Variants in DSG4 observed in about 807,000 individuals in gnomAD.
DSG4 encodes the protein desmoglein 4.
A neutral mutation model predicts 93.1 loss-of-function variants in DSG4; 87 were observed. The ratio of observed to expected loss-of-function variants is 0.93; its 90% confidence interval spans 0.79 to 1.12. The LOEUF (loss-of-function observed/expected upper bound fraction) is 1.12, where lower values mean the gene tolerates loss of function less well. Among genes scored for constraint, DSG4 ranks in the 50% most tolerant of loss-of-function variants. DSG4 has a pLI of 0.00. For missense variants in DSG4, 1,373 were observed against 1,285.7 expected (o/e 1.07, Z -1.04); for synonymous variants, 432 against 452.9 (o/e 0.95, Z 0.59).
chr18:31,405,600 A>C (rs2072415550), intron 11 of DSG4, among the ~76,000 whole-genome samples: 2 of 152,036 alleles, frequency 1.3e-5, no homozygotes, highest in South Asian at 2.1e-4. Context: ...AAAAGTAAAA[A>C]AGGCCAGGCA....
At chr18:31,410,475 G>T (rs909784431) in intron 14 of DSG4, among the ~76,000 whole-genome samples, 5 of 147,394 alleles carry the variant, frequency 3.4e-5, no homozygotes, top group Non-Finnish European at 5.9e-5. Context: ...ATACGTTAGA[G>T]TAGTGCCTGG....
rs776703259 is a variant in DSG4, at chr18:31,391,177, G to A, written c.784G>A (p.Val262Ile). ...ECDCRIKVLD[V>I]NDNFPTLEKT... is the part of the protein sequence containing the mutation. ...TGACTGTAGAATCAAGGTTTTAGAC[G>A]TCAACGATAATTTCCCCACCTTAGA... The change falls in exon 7 of 16, where the codon GTC becomes ATC. Residue 262 changes from valine to isoleucine, a missense_variant. Transcript: ENST00000308128. The A allele has an allele frequency of 2.4e-5, 39 of 1,613,500 alleles. No individual in the cohort carries two copies. The highest frequency in any genetic ancestry group is 9.9e-5 in the South Asian group (9 of 91,066).
intron 8 of DSG4, among the ~76,000 whole-genome samples, chr18:31,398,173 C>T (rs2072326056): frequency 6.6e-6 from 1 of 151,676 alleles, no homozygotes; most frequent in South Asian, 2.1e-4. Flanking sequence ...AATTTATATT[C>T]AGTTCTGTGC....
chr18:31,379,081 G>T (rs1244277548), intron 1 of DSG4, among the ~76,000 whole-genome samples: 2 of 152,102 alleles, frequency 1.3e-5, no homozygotes, highest in African/African-American at 4.8e-5. Context: ...GATTACAATA[G>T]GGCACTGATT....
At chr18:31,390,331 A>G (rs1046307895) in intron 5 of DSG4, among the ~76,000 whole-genome samples, 1 of 152,178 alleles carries the variant, frequency 6.6e-6, no homozygotes, top group Non-Finnish European at 1.5e-5. Flanking sequence ...AATAAAACAG[A>G]TAAAAATCTG....
chr18:31,399,340 C>T lies in DSG4; in HGVS notation c.1074C>T (p.His358=), dbSNP rs772511697. 6.2e-7 allele frequency: 1 copy of T among 1,614,094 alleles called. No individual in the cohort carries two copies. Among genetic ancestry groups the T allele is most frequent in the South Asian group, 1.1e-5 (1 of 91,086 alleles). The stretch of plus-strand genomic sequence containing the variant: ...GAGTTAAAAACCAAGCTGATTTTCA[C>T]TACTCCGTTGCTTCTCAATTCCAAA... ...SIGVKNQADF[H]YSVASQFQMH... The change falls in exon 9 of 16, where the codon CAC becomes CAT. Residue 358 remains histidine (H), a synonymous_variant. Coordinates refer to ENST00000308128, the MANE Select transcript of DSG4 (RefSeq NM_177986.5).
chr18:31,402,304 T>C (rs1280285361), intron 10 of DSG4, among the ~76,000 whole-genome samples: 1 of 152,208 alleles, frequency 6.6e-6, no homozygotes, highest in Non-Finnish European at 1.5e-5. Context: ...CAAACTTTAC[T>C]GGGAAGCAAA....
rs2072421559 is a variant in DSG4 at position 31,406,079 on chromosome 18, A to G, written c.1639A>G (p.Thr547Ala). ...CTGTTTCCTCTCTTCCATTTCAGCT[A>G]CCTCGGCAATCCTTACGGCTAAGCA... ...DMWDVRSTNATSAILTAKQVL... is the reference protein window; with the variant it reads ...DMWDVRSTNAASAILTAKQVL... Residue 547 changes from threonine to alanine, a missense_variant and splice_region_variant, in exon 12 of 16, where the codon ACC becomes GCC. By Grantham distance (58) the Thr-to-Ala change is moderately conservative. Transcript: ENST00000308128. 1.2e-6 allele frequency: 2 copies of G among 1,613,834 alleles called. No individual in the cohort carries two copies. Among genetic ancestry groups the G allele is most frequent in the African/African-American group, 2.7e-5 (2 of 74,868 alleles).
intron 14 of DSG4, among the ~76,000 whole-genome samples, chr18:31,410,877 T>C (rs923447028): frequency 3.3e-5 from 5 of 152,308 alleles, no homozygotes; most frequent in African/African-American, 2.4e-5. Flanking sequence ...ATCACGCCGC[T>C]GGCCTTGCTT....
At chr18:31,404,158 C>T (rs886094656) in intron 11 of DSG4, among the ~76,000 whole-genome samples, 1 of 151,876 alleles carries the variant, frequency 6.6e-6, no homozygotes, top group Non-Finnish European at 1.5e-5. Context: ...CCAAATTGCT[C>T]AGTATTAGAG....
chr18:31,409,242 G>A (rs944773697), intron 12 of DSG4, among the ~76,000 whole-genome samples: 1 of 152,128 alleles, frequency 6.6e-6, no homozygotes, highest in Non-Finnish European at 1.5e-5. Flanking sequence ...GCCATCTAGC[G>A]CTAAAGTTCT....
At chr18:31,412,168 C>A in intron 15 of DSG4, among the ~76,000 whole-genome samples, 1 of 152,146 alleles carries the variant, frequency 6.6e-6, no homozygotes, top group Non-Finnish European at 1.5e-5. Context: ...GATTCATATA[C>A]CCAATGGAAT....
chr18:31,376,872 T>C lies in DSG4; in HGVS notation c.-40T>C. 6.2e-7 allele frequency: 1 copy of C among 1,612,492 alleles called. No homozygotes were observed. Among genetic ancestry groups the C allele is most frequent in the South Asian group, 1.1e-5 (1 of 91,028 alleles). ...GAACTGAGAAGACGAGGGCTCAAAT[T>C]GAATCTCACAGGATTTGCGTGCAAG... On this transcript the variant is annotated 5_prime_UTR_variant, in exon 1 of 16. Transcript: ENST00000308128.
intron 8 of DSG4, among the ~76,000 whole-genome samples, chr18:31,398,995 A>G (rs2144194381): frequency 6.6e-6 from 1 of 152,282 alleles, no homozygotes; most frequent in Non-Finnish European, 1.5e-5. Flanking sequence ...TTTTCATTTC[A>G]GCATTTTTGT....
At chr18:31,392,424 C>G in intron 8 of DSG4, 84 bp downstream of exon 8, 1 of 1,445,260 alleles carries the variant, frequency 6.9e-7, no homozygotes, top group Middle Eastern at 2.0e-4. Flanking sequence ...CAGAATCTGC[C>G]TTTAAAAAAA....
intron 8 of DSG4, among the ~76,000 whole-genome samples, chr18:31,395,271 TA>T (rs10708419): frequency 0.18 from 23,109 of 129,832 alleles, 1,687 homozygotes; most frequent in Middle Eastern, 0.2. Context: ...ACTTAATTGC[TA>T]AAAAAAAAAA....
rs1032052752 is a variant in DSG4, at chr18:31,376,810, G to A, written c.-102G>A. 7.1e-6 allele frequency: 9 copies of A among 1,275,236 alleles called. No individual in the cohort carries two copies. The highest frequency in any genetic ancestry group is 3.7e-4 in the Middle Eastern group (2 of 5,382). 79.0% of individuals were successfully genotyped at this position (1,275,236 alleles called of 1,614,324 possible). A position where few individuals can be genotyped will look rare whatever the true frequency, so the allele number is the denominator to read the frequency against. ...TTATCACCCATGCCCTCCTAAAAGG[G>A]TGTCTCAAAGCATATCTTTCTGTAG... On this transcript the variant is annotated 5_prime_UTR_variant, in exon 1 of 16. In the 5' UTR this introduces an upstream ATG that the reference lacks. Coordinates refer to ENST00000308128, the MANE Select transcript of DSG4 (RefSeq NM_177986.5).
intron 8 of DSG4, 151 bp from the exon 9 acceptor site, chr18:31,399,121 C>T (rs2072335983): frequency 3.6e-6 from 3 of 831,632 alleles, no homozygotes; most frequent in African/African-American, 1.7e-5. Context: ...ATACCTAATG[C>T]AGTAATAAGT....
intron 12 of DSG4, among the ~76,000 whole-genome samples, chr18:31,408,491 T>C (rs1384759869): frequency 1.3e-5 from 2 of 152,248 alleles, no homozygotes; most frequent in Non-Finnish European, 2.9e-5. Flanking sequence ...AATTAATTGT[T>C]GTAATAAGAC....
Sources: allele counts gnomAD v4.1 joint callset (sites outside exome capture counted in the v4.1 genomes callset), GRCh38; gene constraint gnomAD v4.1.1; transcripts MANE v1.5; gene names NCBI Gene and HGNC (gene_info 2026-07-23, HGNC 2026-07-21).